Variants in NVL observed in about 807,000 individuals in gnomAD.
NVL encodes the protein nuclear VCP like, also known as nuclear valosin-containing protein-like.
In NVL, 84 loss-of-function variants were observed where a neutral mutation model predicts 110.2. The ratio of observed to expected loss-of-function variants is 0.76; its 90% confidence interval spans 0.64 to 0.91. The LOEUF (loss-of-function observed/expected upper bound fraction) is 0.91. Among genes scored for constraint, NVL ranks in the 40% least tolerant of loss-of-function variants. NVL has a pLI of 0.00. For missense variants in NVL, 882 were observed against 1,035.9 expected (o/e 0.85, Z 2.04); for synonymous variants, 354 against 361.1 (o/e 0.98, Z 0.22).
intron 17 of NVL, among the ~76,000 whole-genome samples, chr1:224,273,992 T>A (rs1346655819): frequency 6.6e-6 from 1 of 150,978 alleles, no homozygotes; most frequent in Non-Finnish European, 1.5e-5. Flanking sequence ...TTTTCGGAGA[T>A]TTTTAGCAAA....
chr1:224,323,236 C>T (rs527937174), intron 2 of NVL, among the ~76,000 whole-genome samples: 1 of 152,172 alleles, frequency 6.6e-6, no homozygotes, highest in South Asian at 2.1e-4. Context: ...CTCACATTTC[C>T]AAGCAAAGTG....
rs754247655 is a variant in NVL at position 224,296,594 on chromosome 1, T to C, written c.1087A>G (p.Ile363Val). Residue 363 changes from isoleucine to valine, a missense_variant, in exon 11 of 23, where the codon ATT becomes GTT. Physicochemically the swap from Ile to Val is conservative, Grantham distance 29. Around this residue, in one of 4 missense-constraint regions of NVL, gnomAD observed 416 missense variants for 499.3 expected, o/e 0.83. Coordinates refer to ENST00000281701, the MANE Select transcript of NVL (RefSeq NM_002533.4). ...AVSNAPCIIF[I>V]DEIDAITPKR... ...GGGGTAATAGCATCAATTTCATCAA[T>C]GAAAATGATACATGGTGCATTTGAC... 6.3e-7 allele frequency: 1 copy of C among 1,596,266 alleles called. No homozygotes were observed. The highest frequency in any genetic ancestry group is 1.1e-5 in the South Asian group (1 of 87,252).
intron 5 of NVL, among the ~76,000 whole-genome samples, chr1:224,308,601 G>T (rs1435842189): frequency 6.7e-6 from 1 of 149,132 alleles, no homozygotes; most frequent in Admixed American, 6.8e-5. Flanking sequence ...TGAGGCAGGA[G>T]AATCACTTGA....
chr1:224,270,421 G>GGT (rs1664967515), intron 17 of NVL, among the ~76,000 whole-genome samples: 1 of 152,084 alleles, frequency 6.6e-6, no homozygotes, highest in South Asian at 2.1e-4. Flanking sequence ...AGCTGGGCAT[G>GGT]GTGGTGGGAA....
At position 224,311,861 on chromosome 1, in the gene NVL, A is replaced by C; in HGVS notation, c.285-4T>G. 6.2e-7 allele frequency: 1 copy of C among 1,609,472 alleles called. No homozygotes were observed. Among genetic ancestry groups the C allele is most frequent in the Non-Finnish European group, 8.5e-7 (1 of 1,176,346 alleles). ...ATCAGAATAGCTTTCAGTATACCTC[A>C]GTAAAAGGAGGGAAAAATGTTTTAA... On this transcript the variant is annotated splice_polypyrimidine_tract_variant and splice_region_variant and intron_variant, in intron 4 of 22. Coordinates refer to ENST00000281701, the MANE Select transcript of NVL (RefSeq NM_002533.4).
rs143856644 is a variant in NVL at position 224,250,450 on chromosome 1, G to A, written c.2183-132C>T. On this transcript the variant is annotated intron_variant, in intron 18 of 22. Coordinates refer to ENST00000281701, the MANE Select transcript of NVL (RefSeq NM_002533.4). The stretch of plus-strand genomic sequence containing the variant: ...CATGATCTCAGCTCACTGCAGCCTC[G>A]ACCTCCCAGGCTCAGATGATTCTCC... The A allele has an allele frequency of 1.1e-4, 76 of 685,912 alleles. No individual in the cohort carries two copies. In the African/African-American group the frequency reaches 1.3e-3, roughly 12 times the overall value. The allele number at this position is 685,912 out of a possible 1,614,324, so 42.5% of individuals were successfully genotyped here. A position where few individuals can be genotyped will look rare whatever the true frequency, so the allele number is the denominator to read the frequency against.
At chr1:224,284,812 C>A (rs907619664) in intron 15 of NVL, among the ~76,000 whole-genome samples, 1 of 152,090 alleles carries the variant, frequency 6.6e-6, no homozygotes, top group Non-Finnish European at 1.5e-5. Flanking sequence ...GATTCTCATA[C>A]CCTATTGATA....
At chr1:224,294,839 T>C (rs772027788) in intron 11 of NVL, among the ~76,000 whole-genome samples, 4 of 152,160 alleles carry the variant, frequency 2.6e-5, no homozygotes, top group Non-Finnish European at 4.4e-5. Context: ...TGGAATTCTA[T>C]GTAGAAGAAA....
Position 224,311,861 on chromosome 1 carries a change from A to G in NVL, c.285-4T>C. ...ATCAGAATAGCTTTCAGTATACCTCAGTAAAAGGAGGGAAAAATGTTTTAA... is the reference window on the plus strand; with the variant it reads ...ATCAGAATAGCTTTCAGTATACCTCGGTAAAAGGAGGGAAAAATGTTTTAA... On this transcript the variant is annotated splice_polypyrimidine_tract_variant and splice_region_variant and intron_variant, in intron 4 of 22. Transcript: ENST00000281701. 6.2e-7 allele frequency: 1 copy of G among 1,609,472 alleles called. No homozygotes were observed. The highest frequency in any genetic ancestry group is 8.5e-7 in the Non-Finnish European group (1 of 1,176,346).
At chr1:224,313,123 C>T in intron 4 of NVL, 1 of 330,986 alleles carries the variant, frequency 3.0e-6, no homozygotes, top group South Asian at 2.2e-5. Context: ...TGTGCCAGTG[C>T]ACTGAAGCCT....
In NVL at chr1:224,305,029, CT is replaced by C. The variant is rs1361326600; in HGVS notation, c.748+4del. ...CCACTGCCACCAACAAGACTCACAC[CT>C]TACCTTTCTTTTGCAGGACAGCTTC... On this transcript the variant is annotated splice_donor_region_variant and intron_variant, in intron 7 of 22. Transcript: ENST00000281701. 1 of 1,612,398 alleles carries C rather than the reference CT, an allele frequency of 6.2e-7. No homozygotes were observed. Among genetic ancestry groups the C allele is most frequent in the African/African-American group, 1.3e-5 (1 of 74,890 alleles).
intron 19 of NVL, among the ~76,000 whole-genome samples, chr1:224,237,391 A>G (rs1660605239): frequency 6.6e-6 from 1 of 152,136 alleles, no homozygotes; most frequent in Non-Finnish European, 1.5e-5. Context: ...TTTGGTGCCA[A>G]TTCCCCTTCA....
chr1:224,247,098 G>A (rs1241826068), intron 19 of NVL, among the ~76,000 whole-genome samples: 1 of 150,968 alleles, frequency 6.6e-6, no homozygotes, highest in Non-Finnish European at 1.5e-5. Flanking sequence ...AGGGAGAGAA[G>A]ATGCTATGAT....
intron 18 of NVL, among the ~76,000 whole-genome samples, chr1:224,256,045 T>C (rs917803884): frequency 6.6e-6 from 1 of 152,228 alleles, no homozygotes; most frequent in African/African-American, 2.4e-5. Context: ...CATAGGAATA[T>C]TTCTGGATTT....
At chr1:224,272,756 C>T (rs1479646301) in intron 17 of NVL, among the ~76,000 whole-genome samples, 6 of 150,728 alleles carry the variant, frequency 4.0e-5, no homozygotes, top group African/African-American at 9.8e-5. Flanking sequence ...CACAACAGGC[C>T]GTGCGCGGTG....
In NVL at chr1:224,305,033, C is replaced by T. The variant is rs1243372161; in HGVS notation, c.748+1G>A. 3 of 1,612,884 alleles carry T rather than the reference C, an allele frequency of 1.9e-6. No individual in the cohort carries two copies. Among genetic ancestry groups the T allele is most frequent in the Non-Finnish European group, 2.5e-6 (3 of 1,179,664 alleles). The stretch of plus-strand genomic sequence containing the variant: ...TGCCACCAACAAGACTCACACCTTA[C>T]CTTTCTTTTGCAGGACAGCTTCAAT... On this transcript the variant is annotated splice_donor_variant, in intron 7 of 22. Transcript: ENST00000281701. LOFTEE classifies it high-confidence loss of function.
At chr1:224,264,384 A>G (rs962943465) in intron 18 of NVL, among the ~76,000 whole-genome samples, 8 of 150,836 alleles carry the variant, frequency 5.3e-5, no homozygotes, top group Non-Finnish European at 1.2e-4. Flanking sequence ...AGTAGCCGGG[A>G]TTGCAGGCGC....
At chr1:224,272,591 T>A (rs1665241745) in intron 17 of NVL, among the ~76,000 whole-genome samples, 1 of 149,002 alleles carries the variant, frequency 6.7e-6, no homozygotes, top group South Asian at 2.1e-4. Flanking sequence ...GTGGCACACA[T>A]CTGTAGTCCC....
intron 19 of NVL, among the ~76,000 whole-genome samples, chr1:224,244,699 T>A (rs1283107230): frequency 6.6e-6 from 1 of 150,802 alleles, no homozygotes; most frequent in Non-Finnish European, 1.5e-5. Flanking sequence ...CTCCATTTTT[T>A]TTTTTTGAGA....
Sources: allele counts gnomAD v4.1 joint callset (sites outside exome capture counted in the v4.1 genomes callset), GRCh38; gene constraint gnomAD v4.1.1; regional missense constraint gnomAD v4.1.1; transcripts MANE v1.5; gene names NCBI Gene and HGNC (gene_info 2026-07-23, HGNC 2026-07-21).